The following ALDH1A3 variants were observed in gnomAD, a reference collection of about 807,000 sequenced individuals.
ALDH1A3 encodes the protein retinaldehyde dehydrogenase 3.
In ALDH1A3, 28 loss-of-function variants were observed where a neutral mutation model predicts 57.5. That is an observed-to-expected ratio of 0.49 (90% CI 0.36 to 0.67). The LOEUF (loss-of-function observed/expected upper bound fraction) is 0.67, where lower values mean the gene tolerates loss of function less well. Among genes scored for constraint, ALDH1A3 ranks in the 30% least tolerant of loss-of-function variants. The pLI, the probability that ALDH1A3 is intolerant of heterozygous loss-of-function variation, is 0.00. For synonymous variants in ALDH1A3, 281 were observed against 264.8 expected (o/e 1.06, Z -0.59); for missense variants, 507 against 669.4 (o/e 0.76, Z 2.68).
At chr15:100,903,476 C>G (rs1334673758) in intron 9 of ALDH1A3, among the ~76,000 whole-genome samples, 1 of 152,218 alleles carries the variant, frequency 6.6e-6, no homozygotes, top group Admixed American at 6.5e-5. Flanking sequence ...CAGGTATGTG[C>G]AGTCACACAC....
intron 2 of ALDH1A3, among the ~76,000 whole-genome samples, chr15:100,886,182 G>A (rs892729181): frequency 2.0e-5 from 3 of 152,214 alleles, no homozygotes; most frequent in African/African-American, 7.2e-5. Flanking sequence ...TGTGACAGAC[G>A]TGCAAATGCA....
intron 9 of ALDH1A3, among the ~76,000 whole-genome samples, chr15:100,901,306 C>G (rs551770303): frequency 8.5e-5 from 13 of 152,326 alleles, no homozygotes; most frequent in South Asian, 4.1e-4. Flanking sequence ...CTCTTTAAAA[C>G]GGCACATCCT....
Position 100,894,246 on chromosome 15 carries a change from T to C in ALDH1A3, c.666+164T>C, listed in dbSNP as rs1296144600. 4 of 813,562 alleles carry C rather than the reference T, an allele frequency of 4.9e-6. No individual in the cohort carries two copies. Among genetic ancestry groups the C allele is most frequent in the East Asian group, 2.7e-5 (1 of 36,744 alleles). 50.4% of individuals were successfully genotyped at this position (813,562 alleles called of 1,614,324 possible). A position where few individuals can be genotyped will look rare whatever the true frequency, so the allele number is the denominator to read the frequency against. On this transcript the variant is annotated intron_variant, in intron 6 of 12. Transcript: ENST00000329841. The surrounding 1 kb of genome is among the most constrained non-coding windows in gnomAD (Gnocchi z 4.5). ...GGCGACTGCACGTTCTTTCTCCTGC[T>C]TGTGGCCACTGAGCTGGAGAAACTC...
In ALDH1A3 at chr15:100,896,059, A is replaced by C; in HGVS notation, c.780+13A>C. The C allele has an allele frequency of 6.3e-7, 1 of 1,594,610 alleles. No individual in the cohort carries two copies. Among genetic ancestry groups the C allele is most frequent in the Non-Finnish European group, 8.6e-7 (1 of 1,167,906 alleles). ...CGGCTCCACAGAGGTAACCCTCCTCACAGGGTGCTGGGGAAAGTGAAAGGG... is the reference window on the plus strand; with the variant it reads ...CGGCTCCACAGAGGTAACCCTCCTCCCAGGGTGCTGGGGAAAGTGAAAGGG... On this transcript the variant is annotated intron_variant, in intron 7 of 12. Transcript: ENST00000329841.
chr15:100,883,715 T>C (rs1252365724), intron 1 of ALDH1A3, among the ~76,000 whole-genome samples: 1 of 152,082 alleles, frequency 6.6e-6, no homozygotes, highest in African/African-American at 2.4e-5. Flanking sequence ...TGTGCAGGTT[T>C]GTTACATAGG....
Position 100,894,342 on chromosome 15 carries a change from A to T in ALDH1A3, c.666+260A>T. ...GGCTCAAACCTATGGTTGAGGACCC[A>T]GTGGTTTGTCTAGAGAATTTTCAGG... is the stretch of plus-strand genomic sequence containing the variant. On this transcript the variant is annotated intron_variant, in intron 6 of 12. Transcript: ENST00000329841. The surrounding 1 kb of genome is among the most constrained non-coding windows in gnomAD (Gnocchi z 4.5). 1 of 348,622 alleles carries T rather than the reference A, an allele frequency of 2.9e-6. No individual in the cohort carries two copies. Among genetic ancestry groups the T allele is most frequent in the South Asian group, 4.5e-5 (1 of 22,316 alleles). The allele number at this position is 348,622 out of a possible 1,614,324, so 21.6% of individuals were successfully genotyped here.
Position 100,893,982 on chromosome 15 carries a change from G to A in ALDH1A3, c.566G>A (p.Trp189Ter). Residue 189 changes from tryptophan to a stop codon, truncating the protein, a stop_gained, in exon 6 of 13, where the codon TGG (tryptophan) becomes TAG (stop). Coordinates refer to ENST00000329841, the MANE Select transcript of ALDH1A3 (RefSeq NM_000693.4). LOFTEE classifies it high-confidence loss of function. The surrounding 1 kb of genome is among the most constrained non-coding windows in gnomAD (Gnocchi z 4.8). The part of the protein sequence containing the change: ...PWNFPLLMLV[W>*]KLAPALCCGN... ...AACTTCCCCCTGCTGATGCTGGTGT[G>A]GAAGCTGGCACCCGCCCTCTGCTGT... 6.2e-7 allele frequency: 1 copy of A among 1,614,194 alleles called. No homozygotes were observed. The highest frequency in any genetic ancestry group is 8.5e-7 in the Non-Finnish European group (1 of 1,180,032).
chr15:100,914,637 C>T, intron 12 of ALDH1A3, 64 bp from the exon 13 acceptor site: 1 of 1,493,156 alleles, frequency 6.7e-7, no homozygotes. Context: ...AGCCTCAGAA[C>T]AGTTTCTACA....
intron 8 of ALDH1A3, among the ~76,000 whole-genome samples, chr15:100,899,584 C>T (rs1180199661): frequency 2.0e-5 from 3 of 152,162 alleles, no homozygotes; most frequent in Non-Finnish European, 2.9e-5. Flanking sequence ...CACCATTCCC[C>T]TGCCCCTTCG....
In ALDH1A3 at chr15:100,897,946, G is replaced by C. The variant is rs147047440; in HGVS notation, c.781-137G>C. On this transcript the variant is annotated intron_variant, in intron 7 of 12. Transcript: ENST00000329841. ...GCCAGGACAGTGAAGGGACGGCATC[G>C]GGGCCTGGAGCGCCTGGGCCGAGAG... 32 of 682,286 alleles carry C rather than the reference G, an allele frequency of 4.7e-5. No homozygotes were observed. In the African/African-American group the frequency reaches 5.0e-4, roughly 11 times the overall value. 42.3% of individuals were successfully genotyped at this position (682,286 alleles called of 1,614,324 possible).
chr15:100,904,266 C>T (rs2041799764), intron 9 of ALDH1A3, among the ~76,000 whole-genome samples: 1 of 151,532 alleles, frequency 6.6e-6, no homozygotes, highest in African/African-American at 2.4e-5. Flanking sequence ...GGAGTTTGGC[C>T]TGGTATAAGG....
At chr15:100,911,261 C>T (rs553704766) in intron 12 of ALDH1A3, among the ~76,000 whole-genome samples, 3 of 152,320 alleles carry the variant, frequency 2.0e-5, no homozygotes, top group Non-Finnish European at 4.4e-5. Context: ...TGGTTTTCCC[C>T]GTCCCCGGCC....
At position 100,894,909 on chromosome 15, in the gene ALDH1A3, A is replaced by G. The variant is rs2041684009; in HGVS notation, c.666+827A>G. The G allele has an allele frequency of 6.6e-6, 1 of 152,208 alleles. No individual in the cohort carries two copies. Among genetic ancestry groups the G allele is most frequent in the African/African-American group, 2.4e-5 (1 of 41,432 alleles). The allele number at this position is 152,208 out of a possible 1,614,324, so 9.4% of individuals were successfully genotyped here. On this transcript the variant is annotated intron_variant, in intron 6 of 12. Transcript: ENST00000329841. This position sits in a 1 kb window ranked among gnomAD's most constrained non-coding sequence, Gnocchi z 4.5. The stretch of plus-strand genomic sequence containing the variant: ...ATCTAAAGACTCAAGCAGCGTGCCT[A>G]AAATCTTGATTTTCTGAAATAATGT...
intron 7 of ALDH1A3, among the ~76,000 whole-genome samples, chr15:100,897,453 G>A (rs938473783): frequency 3.3e-5 from 5 of 152,254 alleles, no homozygotes; most frequent in African/African-American, 1.2e-4. Context: ...GAGAGACCCC[G>A]TGGGGGCCTT....
chr15:100,892,816 C>G, intron 4 of ALDH1A3, 129 bp from the exon 5 acceptor site: 1 of 1,320,940 alleles, frequency 7.6e-7, no homozygotes, highest in South Asian at 1.4e-5. Flanking sequence ...GGTCAAATCA[C>G]TTCTCTGTAT....
At chr15:100,900,189 C>T (rs2041752337) in intron 8 of ALDH1A3, among the ~76,000 whole-genome samples, 1 of 152,222 alleles carries the variant, frequency 6.6e-6, no homozygotes, top group African/African-American at 2.4e-5. Flanking sequence ...GAAGTTCTCG[C>T]CAGGGGGCCT....
At chr15:100,882,010 G>A (rs1261779637) in intron 1 of ALDH1A3, among the ~76,000 whole-genome samples, 2 of 152,222 alleles carry the variant, frequency 1.3e-5, no homozygotes, top group Non-Finnish European at 2.9e-5. Context: ...GGAAGGAGCG[G>A]GATAAACTGA....
chr15:100,883,272 T>C (rs939776511), intron 1 of ALDH1A3, among the ~76,000 whole-genome samples: 1 of 152,230 alleles, frequency 6.6e-6, no homozygotes, highest in Non-Finnish European at 1.5e-5. Context: ...CCCCTCTTCC[T>C]GGCTGCACTT....
intron 11 of ALDH1A3, 136 bp downstream of exon 11, chr15:100,907,414 T>C (rs2041833062): frequency 1.7e-5 from 17 of 1,002,842 alleles, no homozygotes; most frequent in Non-Finnish European, 2.3e-5. Context: ...CTTCCTTCCA[T>C]CCTCATGACC....
Sources: gnomAD v4.1 joint callset for allele counts (sites outside exome capture counted in the v4.1 genomes callset) on GRCh38, gnomAD v4.1.1 for gene constraint, Gnocchi (gnomAD v3.1) non-coding constraint, MANE v1.5 for transcripts, NCBI Gene and HGNC (gene_info 2026-07-23, HGNC 2026-07-21) for gene names.